The following CDK13 variants were observed in gnomAD, a reference collection of about 807,000 sequenced individuals.
CDK13 encodes cyclin dependent kinase 13.
A neutral mutation model predicts 137.6 loss-of-function variants in CDK13; 40 were observed. The ratio of observed to expected loss-of-function variants is 0.29; its 90% CI spans 0.23 to 0.38. The LOEUF (loss-of-function observed/expected upper bound fraction) is 0.38. Ranked by LOEUF, CDK13 falls within the 10% of genes least tolerant of loss-of-function variation. The probability of loss-of-function intolerance (pLI) is 1.00; values close to 1 mark genes in which losing one functional copy is unlikely to be tolerated. For missense variants in CDK13, 1,704 were observed against 1,951.8 expected (o/e 0.87, Z 2.39); for synonymous variants, 869 against 760.1 (o/e 1.14, Z -2.36).
chr7:39,981,399 A>G (rs1193856071), intron 1 of CDK13, among the ~76,000 whole-genome samples: 2 of 151,922 alleles, frequency 1.3e-5, no homozygotes, highest in Admixed American at 6.6e-5. Flanking sequence ...CTATTAAACA[A>G]GGAGGTTGGA....
intron 1 of CDK13, among the ~76,000 whole-genome samples, chr7:39,954,683 C>T (rs1787353494): frequency 1.3e-5 from 2 of 152,182 alleles, no homozygotes; most frequent in African/African-American, 4.8e-5. Flanking sequence ...CCAGCCTATG[C>T]AGAACTTACA....
intron 1 of CDK13, among the ~76,000 whole-genome samples, chr7:39,960,632 C>T (rs1029004896): frequency 4.6e-5 from 7 of 151,846 alleles, no homozygotes; most frequent in African/African-American, 1.7e-4. Context: ...AGTGCAGTGG[C>T]GTGATCTCGG....
intron 5 of CDK13, among the ~76,000 whole-genome samples, chr7:40,044,687 A>G (rs1785695770): frequency 1.3e-5 from 2 of 152,064 alleles, no homozygotes; most frequent in South Asian, 4.1e-4. Flanking sequence ...CCCAGGCTAG[A>G]GTGCAGTAGC....
rs1227452956 is a variant in CDK13 at position 40,078,135 on chromosome 7, G to T, written c.2897+14G>T. 2 of 1,237,218 alleles carry T rather than the reference G, an allele frequency of 1.6e-6. No individual in the cohort carries two copies. The allele number at this position is 1,237,218 out of a possible 1,614,324, so 76.6% of individuals were successfully genotyped here. On this transcript the variant is annotated intron_variant, in intron 10 of 13. Transcript: ENST00000181839. ...AGAATTTGTTTTGTAAGAAGGGGAT[G>T]TGTAAACATCCTTATTGCATGAATG... is the stretch of plus-strand genomic sequence containing the variant.
rs771454957 is a variant in CDK13, at chr7:40,078,130, G to T, written c.2897+9G>T. Reference sequence around the variant, plus strand: ...AGAGAAGAATTTGTTTTGTAAGAAGGGGATGTGTAAACATCCTTATTGCAT... The same window carrying T: ...AGAGAAGAATTTGTTTTGTAAGAAGTGGATGTGTAAACATCCTTATTGCAT... On this transcript the variant is annotated intron_variant, in intron 10 of 13. Coordinates refer to ENST00000181839, the MANE Select transcript of CDK13 (RefSeq NM_003718.5). The T allele has an allele frequency of 1.3e-4, 172 of 1,364,044 alleles. No individual in the cohort carries two copies. The highest frequency in any genetic ancestry group is 1.5e-4 in the Non-Finnish European group (144 of 974,038). 84.5% of individuals were successfully genotyped at this position (1,364,044 alleles called of 1,614,324 possible). A position where few individuals can be genotyped will look rare whatever the true frequency, so the allele number is the denominator to read the frequency against.
chr7:39,965,746 T>C (rs1265866765), intron 1 of CDK13, among the ~76,000 whole-genome samples: 1 of 152,196 alleles, frequency 6.6e-6, no homozygotes, highest in African/African-American at 2.4e-5. Context: ...GTTTTTGCAG[T>C]GGCTCTTACC....
At chr7:40,051,261 C>T (rs1383322869) in intron 7 of CDK13, among the ~76,000 whole-genome samples, 1 of 147,792 alleles carries the variant, frequency 6.8e-6, no homozygotes, top group Non-Finnish European at 1.5e-5. Flanking sequence ...TTTAAAACTT[C>T]TCTTTTTTTT....
chr7:40,029,449 C>T (rs1785317247), intron 5 of CDK13, among the ~76,000 whole-genome samples: 1 of 148,724 alleles, frequency 6.7e-6, no homozygotes, highest in African/African-American at 2.5e-5. Context: ...AGTCCGGGTG[C>T]AGTGGCTCAC....
chr7:39,966,969 G>C (rs1329093844), intron 1 of CDK13, among the ~76,000 whole-genome samples: 1 of 152,106 alleles, frequency 6.6e-6, no homozygotes, highest in Non-Finnish European at 1.5e-5. Context: ...TCGTTCCTCT[G>C]TAAGTTTTGT....
intron 2 of CDK13, among the ~76,000 whole-genome samples, chr7:39,990,071 A>C (rs1033630404): frequency 1.3e-5 from 2 of 152,220 alleles, no homozygotes; most frequent in African/African-American, 4.8e-5. Flanking sequence ...GGCGTGAGCC[A>C]CTGCGCCCAA....
rs1336317843 is a variant in CDK13 at position 40,098,771 on chromosome 7, C to G, written c.*3791C>G. On this transcript the variant is annotated 3_prime_UTR_variant, in exon 14 of 14. Coordinates refer to ENST00000181839, the MANE Select transcript of CDK13 (RefSeq NM_003718.5). ...GGAAATTGCTTCAAGATAACTTGAC[C>G]AGTGATACGGTAAAATAATTAGACT... The G allele has an allele frequency of 6.6e-6, 1 of 151,828 alleles. No homozygotes were observed. The allele number at this position is 151,828 out of a possible 1,614,324, so 9.4% of individuals were successfully genotyped here.
intron 11 of CDK13, among the ~76,000 whole-genome samples, chr7:40,082,739 CA>C (rs1786693945): frequency 6.8e-6 from 1 of 146,110 alleles, no homozygotes; most frequent in African/African-American, 2.5e-5. Flanking sequence ...TGCAGTGAGC[CA>C]AGATCTTGCC....
intron 5 of CDK13, among the ~76,000 whole-genome samples, chr7:40,040,830 A>G (rs1468633231): frequency 1.3e-5 from 2 of 152,050 alleles, no homozygotes; most frequent in South Asian, 2.1e-4. Context: ...TAACTGTAAT[A>G]ATTTTTTTGT....
intron 1 of CDK13, among the ~76,000 whole-genome samples, chr7:39,979,368 C>A (rs1159454633): frequency 6.6e-6 from 1 of 152,002 alleles, no homozygotes; most frequent in Non-Finnish European, 1.5e-5. Context: ...AGGCATGCGC[C>A]ACCACACCCG....
chr7:40,080,999 CTTTTT>C (rs58436580), intron 11 of CDK13, among the ~76,000 whole-genome samples: 81,412 of 150,588 alleles, frequency 0.54, 23,719 homozygotes, highest in African/African-American at 0.78. Flanking sequence ...CTCTTATAGA[CTTTTT>C]TTTTTAAGAT....
In CDK13 at chr7:39,950,789, C is replaced by T. The variant is rs1464212919; in HGVS notation, c.148C>T (p.Gln50Ter). 6.8e-7 allele frequency: 1 copy of T among 1,466,784 alleles called. No homozygotes were observed. Among genetic ancestry groups the T allele is most frequent in the Non-Finnish European group, 9.0e-7 (1 of 1,116,490 alleles). The allele number at this position is 1,466,784 out of a possible 1,614,324, so 90.9% of individuals were successfully genotyped here. ...GCCGCTCCTGCAGCCGCAGCTCCTG[C>T]AACCGCCGCCGCCCCCGCCGCCTCT... ...LLPLLQPQLL[Q>*]PPPPPPPLLF... The change falls in exon 1 of 14, where the codon CAA becomes TAA. Residue 50 changes from glutamine (Q) to a stop codon, truncating the protein, a stop_gained. Transcript: ENST00000181839. LOFTEE classifies it high-confidence loss of function.
chr7:40,000,363 C>T (rs1283502496), intron 4 of CDK13, among the ~76,000 whole-genome samples: 1 of 152,104 alleles, frequency 6.6e-6, no homozygotes, highest in Non-Finnish European at 1.5e-5. Flanking sequence ...GAGACTCCAT[C>T]TCAGAAAATA....
At chr7:39,997,449 T>C in intron 2 of CDK13, 45 bp from the exon 3 acceptor site, 1 of 1,473,276 alleles carries the variant, frequency 6.8e-7, no homozygotes, top group Non-Finnish European at 9.3e-7. Flanking sequence ...TTTTTATTAG[T>C]CAACAAAATT....
intron 5 of CDK13, among the ~76,000 whole-genome samples, chr7:40,038,666 C>G (rs1045380929): frequency 6.6e-6 from 1 of 151,942 alleles, no homozygotes; most frequent in Non-Finnish European, 1.5e-5. Context: ...AATTTAGTAT[C>G]TTGGTCAAGT....
Sources: gnomAD v4.1 joint callset for allele counts (sites outside exome capture counted in the v4.1 genomes callset) on GRCh38, gnomAD v4.1.1 for gene constraint, MANE v1.5 for transcripts, NCBI Gene and HGNC (gene_info 2026-07-23, HGNC 2026-07-21) for gene names.